Variants in DNAH3 observed in about 807,000 individuals in gnomAD.
The protein encoded by DNAH3 is axonemal beta dynein heavy chain 3.
In DNAH3, 332 loss-of-function variants were observed where a neutral mutation model predicts 432.5. The ratio of observed to expected loss-of-function variants is 0.77; its 90% CI spans 0.70 to 0.84. DNAH3 has a LOEUF of 0.84. DNAH3 is among the 40% of genes least tolerant of loss of function. The probability of loss-of-function intolerance (pLI) is 0.00; values close to 1 mark genes in which losing one functional copy is unlikely to be tolerated. For missense variants in DNAH3, 4,861 were observed against 5,114.0 expected, an observed-to-expected ratio of 0.95 and a Z score of 1.51; for synonymous variants, 1,956 against 1,900.2, an observed-to-expected ratio of 1.03 and a Z score of -0.76.
chr16:21,080,723 C>CA, intron 20 of DNAH3, among the ~76,000 whole-genome samples: 1 of 152,256 alleles, frequency 6.6e-6, no homozygotes, highest in Non-Finnish European at 1.5e-5. Context: ...ATCTGGGTGC[C>CA]ACACTCACCT....
chr16:21,049,453 G>T (rs2089860815), intron 31 of DNAH3, 116 bp downstream of exon 31: 2 of 743,270 alleles, frequency 2.7e-6, no homozygotes, highest in Non-Finnish European at 4.5e-6. Context: ...CTGCTTTGGA[G>T]GTTCTTGTGT....
exon 50 of DNAH3, chr16:20,979,437 A>C: frequency 6.2e-7 from 1 of 1,614,118 alleles, no homozygotes; most frequent in Non-Finnish European, 8.5e-7. Context: ...GTTAGAATCA[A>C]TTCAAGGTAG....
chr16:21,026,914 T>C (rs1340290089), intron 38 of DNAH3, 113 bp downstream of exon 38: 7 of 691,416 alleles, frequency 1.0e-5, no homozygotes, highest in Non-Finnish European at 1.7e-5. Context: ...ATAATAATAA[T>C]GTAGATGATC....
At chr16:20,951,044 G>A (rs1359841983) in intron 56 of DNAH3, among the ~76,000 whole-genome samples, 3 of 152,014 alleles carry the variant, frequency 2.0e-5, no homozygotes, top group Non-Finnish European at 4.4e-5. Context: ...AGACTCCTGG[G>A]CTCAAGCAAT....
chr16:21,015,672 ACT>A (rs879273684), intron 41 of DNAH3, among the ~76,000 whole-genome samples: 29 of 151,956 alleles, frequency 1.9e-4, no homozygotes, highest in Non-Finnish European at 2.8e-4. Flanking sequence ...GCATATGGAA[ACT>A]CTCTGTATTT....
chr16:21,071,568 T>C (rs567275921), intron 21 of DNAH3, among the ~76,000 whole-genome samples: 1 of 152,098 alleles, frequency 6.6e-6, no homozygotes, highest in Non-Finnish European at 1.5e-5. Context: ...GAATAGGACT[T>C]CTACTTTCTT....
At chr16:21,019,693 C>T (rs1367972509) in exon 41 of DNAH3, 1 of 1,614,072 alleles carries the variant, frequency 6.2e-7, no homozygotes, top group South Asian at 1.1e-5. Context: ...TCATCCATGC[C>T]CATGATCAGG....
intron 57 of DNAH3, among the ~76,000 whole-genome samples, chr16:20,945,020 G>A (rs1880566785): frequency 6.6e-6 from 1 of 152,166 alleles, no homozygotes; most frequent in African/African-American, 2.4e-5. Flanking sequence ...TATAGGGACT[G>A]GGTAAAATAA....
chr16:20,950,121 T>C (rs1215531138), intron 56 of DNAH3, among the ~76,000 whole-genome samples: 1 of 152,202 alleles, frequency 6.6e-6, no homozygotes, highest in Non-Finnish European at 1.5e-5. Flanking sequence ...TAGCTGGGAC[T>C]ATGGGTGCAA....
At chr16:20,969,441 T>C (rs1216075793) in intron 52 of DNAH3, among the ~76,000 whole-genome samples, 1 of 152,176 alleles carries the variant, frequency 6.6e-6, no homozygotes, top group East Asian at 1.9e-4. Flanking sequence ...TCTCTCTCTC[T>C]CTCTGTAGCT....
intron 52 of DNAH3, among the ~76,000 whole-genome samples, chr16:20,966,178 C>T (rs1345207037): frequency 1.3e-5 from 2 of 151,066 alleles, no homozygotes; most frequent in Admixed American, 6.6e-5. Flanking sequence ...GCTGGGATTA[C>T]AGGCACCCAC....
At chr16:21,105,247 C>T (rs1258980828) in intron 15 of DNAH3, among the ~76,000 whole-genome samples, 2 of 151,284 alleles carry the variant, frequency 1.3e-5, no homozygotes, top group African/African-American at 4.9e-5. Flanking sequence ...CAACCTCCCC[C>T]TGACATCCAT....
intron 43 of DNAH3, among the ~76,000 whole-genome samples, chr16:20,997,796 C>T (rs905499601): frequency 7.0e-6 from 1 of 141,886 alleles, no homozygotes; most frequent in Admixed American, 7.4e-5. Flanking sequence ...CTCAGGAGTT[C>T]GAGACCAGCC....
At chr16:21,069,032 C>T (rs2090679328) in intron 23 of DNAH3, among the ~76,000 whole-genome samples, 2 of 152,212 alleles carry the variant, frequency 1.3e-5, no homozygotes, top group South Asian at 4.1e-4. Flanking sequence ...TCAAGCGATC[C>T]TCCCACCTCA....
intron 1 of DNAH3, among the ~76,000 whole-genome samples, chr16:21,153,163 C>T (rs1040877270): frequency 4.6e-5 from 7 of 152,164 alleles, no homozygotes; most frequent in Admixed American, 2.6e-4. Flanking sequence ...ATGCACCAAT[C>T]GACACTCTGT....
rs75837191 is a variant in DNAH3, at chr16:21,101,955, T to C, written c.2366+2516A>G. 9.0e-3 allele frequency among the ~76,000 whole-genome samples: 1,371 copies of C among 152,342 alleles called. 14 individuals carry two copies. Among genetic ancestry groups the C allele is most frequent in the Non-Finnish European group, 0.014 (932 of 68,032 alleles). On this transcript the variant is annotated intron_variant, in intron 16 of 61. Coordinates refer to ENST00000261383, the Ensembl canonical transcript of DNAH3. ...AACAGCAAATGGAGAATAATCGGCA[T>C]GGAACCCCAAAACCATTAATGTGGA... is the stretch of plus-strand genomic sequence containing the variant.
At chr16:21,079,366 G>C (rs1033904831) in intron 20 of DNAH3, among the ~76,000 whole-genome samples, 2 of 152,220 alleles carry the variant, frequency 1.3e-5, no homozygotes, top group Non-Finnish European at 2.9e-5. Flanking sequence ...GCTCACGCCT[G>C]TAATCCCAGT....
chr16:20,997,393 A>G, exon 44 of DNAH3: 1 of 1,614,156 alleles, frequency 6.2e-7, no homozygotes, highest in Admixed American at 1.7e-5. Context: ...ACCATGGTCA[A>G]TCCACTGCCT....
intron 19 of DNAH3, among the ~76,000 whole-genome samples, chr16:21,082,472 G>A (rs944097463): frequency 2.0e-5 from 3 of 151,972 alleles, no homozygotes; most frequent in Admixed American, 6.6e-5. Flanking sequence ...AAAAATGCTG[G>A]GATTACAGGT....
Sources: gnomAD v4.1 joint callset for allele counts (sites outside exome capture counted in the v4.1 genomes callset) on GRCh38, gnomAD v4.1.1 for gene constraint, MANE v1.5 for transcripts, NCBI Gene and HGNC (gene_info 2026-07-23, HGNC 2026-07-21) for gene names.